STIM1: variants seen among roughly 807,000 people sequenced by gnomAD.
STIM1 encodes stromal interaction molecule 1.
A neutral mutation model predicts 74.7 loss-of-function variants in STIM1; 25 were observed. The observed-to-expected ratio is 0.33, with a 90% confidence interval of 0.24 to 0.47. The LOEUF is 0.47. STIM1 is among the 20% of genes least tolerant of loss of function. STIM1 has a pLI of 1.00. For missense variants in STIM1, 728 were observed against 920.8 expected (o/e 0.79, Z 2.71); for synonymous variants, 328 against 348.8 (o/e 0.94, Z 0.66).
intron 2 of STIM1, among the ~76,000 whole-genome samples, chr11:3,976,084 G>A (rs750468176): frequency 2.0e-5 from 3 of 152,150 alleles, no homozygotes; most frequent in Non-Finnish European, 4.4e-5. Context: ...TAACCCAAAT[G>A]TCCTTCAATG....
chr11:3,884,781 C>CAA (rs1554953053), intron 1 of STIM1, among the ~76,000 whole-genome samples: 4,001 of 116,242 alleles, frequency 0.034, 183 homozygotes, highest in African/African-American at 0.11. Flanking sequence ...GACCCCATCT[C>CAA]AAAAAAAAAA....
intron 1 of STIM1, among the ~76,000 whole-genome samples, chr11:3,913,785 G>A (rs1481041186): frequency 6.6e-6 from 1 of 152,120 alleles, no homozygotes; most frequent in Non-Finnish European, 1.5e-5. Flanking sequence ...CTATTAAGCA[G>A]TTTCTCCCTA....
chr11:4,012,994 T>C (rs1017924041), intron 2 of STIM1, among the ~76,000 whole-genome samples: 48 of 152,364 alleles, frequency 3.2e-4, no homozygotes, highest in African/African-American at 1.1e-3. Flanking sequence ...ATGTGATTTT[T>C]GTGGTTGGTT....
intron 2 of STIM1, among the ~76,000 whole-genome samples, chr11:4,011,904 G>A (rs1463109720): frequency 6.6e-6 from 1 of 152,148 alleles, no homozygotes; most frequent in African/African-American, 2.4e-5. Context: ...TTTTGTATAA[G>A]GTGTAAGGAA....
At chr11:4,085,507 G>C (rs2094488602) in intron 11 of STIM1, among the ~76,000 whole-genome samples, 1 of 152,232 alleles carries the variant, frequency 6.6e-6, no homozygotes, top group African/African-American at 2.4e-5. Context: ...TGATCCAAGA[G>C]CTGGTTCTTT....
intron 1 of STIM1, among the ~76,000 whole-genome samples, chr11:3,863,458 G>A (rs1009005916): frequency 1.6e-4 from 24 of 151,752 alleles, no homozygotes; most frequent in African/African-American, 5.1e-4. Flanking sequence ...AGGTTTTTCC[G>A]TGTTGCCCAG....
At position 4,050,590 on chromosome 11, in the gene STIM1, T is replaced by G. The variant is rs115434671; in HGVS notation, c.386-4936T>G. Among the ~76,000 whole-genome samples, 1,023 of 152,354 alleles carry G rather than the reference T, an allele frequency of 6.7e-3. 16 individuals are homozygous for G. Among genetic ancestry groups the G allele is most frequent in the African/African-American group, 0.023 (964 of 41,576 alleles). ...CTGGGTTCTTTTGTATTAAAATATT[T>G]AAATTTGAGATATATTATTGTTATG... On this transcript the variant is annotated intron_variant, in intron 3 of 12. Coordinates refer to ENST00000526596, the MANE Select transcript of STIM1 (RefSeq NM_001382567.1).
chr11:4,002,360 A>G (rs1364009198), intron 2 of STIM1, among the ~76,000 whole-genome samples: 2 of 152,250 alleles, frequency 1.3e-5, no homozygotes, highest in Admixed American at 1.3e-4. Context: ...CAGCAAATGT[A>G]AAAGATCAGA....
At chr11:4,060,281 G>A (rs1340862730) in intron 5 of STIM1, among the ~76,000 whole-genome samples, 1 of 152,172 alleles carries the variant, frequency 6.6e-6, no homozygotes, top group Non-Finnish European at 1.5e-5. Context: ...AGGATCTTAG[G>A]GCCCACTTCC....
In STIM1 at chr11:4,044,008, G is replaced by A. The variant is rs535666062; in HGVS notation, c.386-11518G>A. Among the ~76,000 whole-genome samples, 7 of 151,804 alleles carry A rather than the reference G, an allele frequency of 4.6e-5. No individual in the cohort carries two copies. In the South Asian group the frequency reaches 6.3e-4, roughly 14 times the overall value. Reference sequence around the variant, plus strand: ...CCAGCCTAGCGACATAGTAGACTCCGCCTCAAAAAAAAAGAAAAAAAAGAT... The same window carrying A: ...CCAGCCTAGCGACATAGTAGACTCCACCTCAAAAAAAAAGAAAAAAAAGAT... On this transcript the variant is annotated intron_variant, in intron 3 of 12. Transcript: ENST00000526596.
intron 12 of STIM1, among the ~76,000 whole-genome samples, chr11:4,090,119 G>A (rs1223247966): frequency 6.6e-6 from 1 of 152,160 alleles, no homozygotes; most frequent in East Asian, 1.9e-4. Flanking sequence ...AGCCTCTTGC[G>A]ACCGGCCCGT....
chr11:3,976,754 A>G (rs1039857040), intron 2 of STIM1, among the ~76,000 whole-genome samples: 11 of 151,530 alleles, frequency 7.3e-5, no homozygotes, highest in Non-Finnish European at 1.6e-4. Flanking sequence ...TCAGCCTCCC[A>G]AAGTTCTGGA....
chr11:3,901,994 G>T (rs564470947), intron 1 of STIM1, among the ~76,000 whole-genome samples: 2 of 152,120 alleles, frequency 1.3e-5, no homozygotes, highest in Non-Finnish European at 2.9e-5. Flanking sequence ...TCTCGAACTC[G>T]TGAGCTCAAG....
At chr11:3,898,837 G>A (rs1164682583) in intron 1 of STIM1, among the ~76,000 whole-genome samples, 41 of 139,344 alleles carry the variant, frequency 2.9e-4, no homozygotes, top group African/African-American at 6.8e-4. Context: ...GATATGCGGC[G>A]TTATTTCTGA....
chr11:4,085,454 C>T lies in STIM1; in HGVS notation c.1567+689C>T, dbSNP rs2094488311. ...TACTTGGTGCCCATGTATCCCTTCA[C>T]TGGGCATAGTGGCCATTATCTCCAG... On this transcript the variant is annotated intron_variant, in intron 11 of 12. Coordinates refer to ENST00000526596, the MANE Select transcript of STIM1 (RefSeq NM_001382567.1). 2.0e-5 allele frequency among the ~76,000 whole-genome samples: 3 copies of T among 152,256 alleles called. No individual in the cohort carries two copies. The South Asian group carries it at 6.2e-4, about 31-fold the overall frequency.
intron 1 of STIM1, among the ~76,000 whole-genome samples, chr11:3,943,820 A>AT (rs1446098350): frequency 1.3e-5 from 2 of 152,230 alleles, no homozygotes; most frequent in Non-Finnish European, 1.5e-5. Context: ...CTTTCCTTTC[A>AT]TTTTTCCTTT....
intron 2 of STIM1, among the ~76,000 whole-genome samples, chr11:4,018,475 A>C (rs866683472): frequency 0.037 from 5,428 of 144,848 alleles, 435 homozygotes; most frequent in African/African-American, 0.13. Context: ...AAAAAAAAAA[A>C]AAAAAAAAAA....
chr11:3,996,763 A>C (rs1303008958), intron 2 of STIM1, among the ~76,000 whole-genome samples: 2 of 152,208 alleles, frequency 1.3e-5, no homozygotes, highest in African/African-American at 4.8e-5. Flanking sequence ...TTGAAAAATA[A>C]GTTTCACTAG....
chr11:3,916,984 A>G (rs1229893072), intron 1 of STIM1, among the ~76,000 whole-genome samples: 1 of 152,232 alleles, frequency 6.6e-6, no homozygotes, highest in Non-Finnish European at 1.5e-5. Context: ...CAATAGGGGC[A>G]TTTTAGAAGA....
Sources: gnomAD v4.1 joint callset for allele counts (sites outside exome capture counted in the v4.1 genomes callset) on GRCh38, gnomAD v4.1.1 for gene constraint, MANE v1.5 for transcripts, NCBI Gene and HGNC (gene_info 2026-07-23, HGNC 2026-07-21) for gene names.